Variants in CNOT2 observed in about 807,000 individuals in gnomAD.
CNOT2 encodes the protein CCR4-NOT transcription complex subunit 2.
CNOT2 carries 7 observed loss-of-function variants against 72.1 expected under a neutral mutation model. The ratio of observed to expected loss-of-function variants is 0.10; its 90% confidence interval spans 0.06 to 0.18. The LOEUF (loss-of-function observed/expected upper bound fraction) is 0.18, where lower values mean the gene tolerates loss of function less well. Ranked by LOEUF, CNOT2 falls within the 10% of genes least tolerant of loss-of-function variation. The pLI, the probability that CNOT2 is intolerant of heterozygous loss-of-function variation, is 1.00. For synonymous variants in CNOT2, 196 were observed against 225.6 expected (o/e 0.87, Z 1.17); for missense variants, 345 against 660.3 (o/e 0.52, Z 5.23).
rs151033139 is a variant in CNOT2 at position 70,257,205 on chromosome 12, A to G, written c.-96+13725A>G. Among the ~76,000 whole-genome samples the G allele has an allele frequency of 3.7e-4, 57 of 152,274 alleles. 1 individual carries two copies. The highest frequency in any genetic ancestry group is 2.5e-3 in the Admixed American group (38 of 15,296). Reference sequence around the variant, plus strand: ...CAATTGCTGTGTCCTTAGTGAGATTACTTTTCAAGCCTTAGTATTCTCTCT... The same window carrying G: ...CAATTGCTGTGTCCTTAGTGAGATTGCTTTTCAAGCCTTAGTATTCTCTCT... On this transcript the variant is annotated intron_variant, in intron 1 of 15. Coordinates refer to ENST00000229195, the MANE Select transcript of CNOT2 (RefSeq NM_014515.7).
At chr12:70,251,848 G>A (rs948723419) in intron 1 of CNOT2, among the ~76,000 whole-genome samples, 2 of 152,084 alleles carry the variant, frequency 1.3e-5, no homozygotes, top group African/African-American at 4.8e-5. Flanking sequence ...TTTTGTATAC[G>A]TTTTGGGGCA....
At chr12:70,351,736 A>G (rs1203732171) in intron 15 of CNOT2, among the ~76,000 whole-genome samples, 1 of 152,236 alleles carries the variant, frequency 6.6e-6, no homozygotes, top group Admixed American at 6.5e-5. Flanking sequence ...GAAAACAAAA[A>G]TGCCAATTTT....
intron 1 of CNOT2, chr12:70,243,788 TC>T (rs1426772073): frequency 2.6e-5 from 4 of 152,314 alleles, no homozygotes; most frequent in Admixed American, 2.6e-4. Context: ...CAGCTCCAGA[TC>T]CTAGGCCCGG....
chr12:70,324,122 A>G (rs558424835), intron 4 of CNOT2: 1 of 151,942 alleles, frequency 6.6e-6, no homozygotes, highest in South Asian at 2.1e-4. Flanking sequence ...TGAAAACATC[A>G]GTTTCTTTGA....
At chr12:70,283,853 A>G (rs1464738) in intron 2 of CNOT2, among the ~76,000 whole-genome samples, 3,013 of 150,822 alleles carry the variant, frequency 0.02, 44 homozygotes, top group Middle Eastern at 0.048. Context: ...TTATAATTAC[A>G]TTTTTGATTG....
At chr12:70,303,380 C>T (rs1874493385) in intron 2 of CNOT2, among the ~76,000 whole-genome samples, 1 of 148,918 alleles carries the variant, frequency 6.7e-6, no homozygotes, top group Non-Finnish European at 1.5e-5. Context: ...GTGTTTAGTG[C>T]TTCCTTCATG....
chr12:70,275,055 GTTTACC>G lies in CNOT2; in HGVS notation c.-95-3072_-95-3067del, dbSNP rs544981158. Reference sequence around the variant, plus strand: ...TTGCTGAGTTGTATGGTAAGCTTGTGTTTACCTTTATAAGAAACTGCCTAACCTTCT... The same window carrying G: ...TTGCTGAGTTGTATGGTAAGCTTGTGTTTATAAGAAACTGCCTAACCTTCT... On this transcript the variant is annotated intron_variant, in intron 1 of 15. Transcript: ENST00000229195. 1.4e-3 allele frequency among the ~76,000 whole-genome samples: 215 copies of G among 152,148 alleles called. 1 individual carries two copies. Among genetic ancestry groups the G allele is most frequent in the Admixed American group, 4.2e-3 (64 of 15,288 alleles).
At chr12:70,299,813 T>G (rs1421799676) in intron 2 of CNOT2, among the ~76,000 whole-genome samples, 1 of 152,196 alleles carries the variant, frequency 6.6e-6, no homozygotes, top group African/African-American at 2.4e-5. Context: ...ACTTCCACAA[T>G]GGTTGAACTA....
At chr12:70,294,074 G>A (rs780276263) in intron 2 of CNOT2, 29 of 1,262,548 alleles carry the variant, frequency 2.3e-5, no homozygotes, top group South Asian at 6.2e-5. Context: ...TTCAAAGAGC[G>A]GAAGAATCCC....
intron 2 of CNOT2, 85 bp downstream of exon 2, chr12:70,278,359 A>AATTT: frequency 9.9e-7 from 1 of 1,007,684 alleles, no homozygotes; most frequent in Non-Finnish European, 1.5e-6. Flanking sequence ...AATTGGAACC[A>AATTT]GCAAATTGGT....
chr12:70,281,695 T>C (rs920068556), intron 2 of CNOT2, among the ~76,000 whole-genome samples: 3 of 152,232 alleles, frequency 2.0e-5, no homozygotes, highest in African/African-American at 7.2e-5. Context: ...CTTTCTTTCA[T>C]AGCCTTTACA....
In CNOT2 at chr12:70,246,392, G is replaced by T. The variant is rs1296096398; in HGVS notation, c.-96+2912G>T. ...ATGATGTTATTTGTTACCTGGATCT[G>T]TAGTGGATTTTGTAACACAAAGAGG... On this transcript the variant is annotated intron_variant, in intron 1 of 15. Coordinates refer to ENST00000229195, the MANE Select transcript of CNOT2 (RefSeq NM_014515.7). Among the ~76,000 whole-genome samples, 3 of 152,184 alleles carry T rather than the reference G, an allele frequency of 2.0e-5. No individual in the cohort carries two copies. In the East Asian group the frequency reaches 5.8e-4, roughly 29 times the overall value.
At chr12:70,274,002 T>C (rs1423636195) in intron 1 of CNOT2, among the ~76,000 whole-genome samples, 1 of 152,160 alleles carries the variant, frequency 6.6e-6, no homozygotes, top group Non-Finnish European at 1.5e-5. Flanking sequence ...TAGGCAACTT[T>C]TCATTTTACA....
At chr12:70,313,980 C>A (rs1262276479) in intron 3 of CNOT2, among the ~76,000 whole-genome samples, 3 of 152,106 alleles carry the variant, frequency 2.0e-5, no homozygotes, top group African/African-American at 7.2e-5. Flanking sequence ...GCTTTGTAGA[C>A]CACTTTAACA....
intron 3 of CNOT2, 41 bp downstream of exon 3, chr12:70,311,058 G>C (rs200035743): frequency 1.4e-4 from 215 of 1,485,924 alleles, no homozygotes; most frequent in South Asian, 3.1e-4. Flanking sequence ...AGCAATGTAA[G>C]TCTGTGTCTG....
chr12:70,273,914 T>C (rs965796854), intron 1 of CNOT2, among the ~76,000 whole-genome samples: 1 of 152,146 alleles, frequency 6.6e-6, no homozygotes, highest in African/African-American at 2.4e-5. Flanking sequence ...AACATTGTTA[T>C]AAAACATTAT....
At chr12:70,251,568 G>C (rs1435224416) in intron 1 of CNOT2, among the ~76,000 whole-genome samples, 2 of 152,212 alleles carry the variant, frequency 1.3e-5, no homozygotes, top group Admixed American at 1.3e-4. Context: ...CAGTGAGATT[G>C]ATAAGCAGAT....
intron 15 of CNOT2, among the ~76,000 whole-genome samples, chr12:70,352,698 G>GT (rs1280467641): frequency 6.6e-6 from 1 of 152,172 alleles, no homozygotes; most frequent in African/African-American, 2.4e-5. Context: ...GGTAGAATTG[G>GT]TAAGAGGCTT....
At chr12:70,334,397 T>A (rs1365081795) in intron 7 of CNOT2, 1 of 152,082 alleles carries the variant, frequency 6.6e-6, no homozygotes. Flanking sequence ...TCACCTGTCT[T>A]TGAATGTTAA....
Sources: gnomAD v4.1 joint callset for allele counts (sites outside exome capture counted in the v4.1 genomes callset) on GRCh38, gnomAD v4.1.1 for gene constraint, MANE v1.5 for transcripts, NCBI Gene and HGNC (gene_info 2026-07-23, HGNC 2026-07-21) for gene names.